Variants in RUBCN observed in about 807,000 individuals in gnomAD.
RUBCN encodes the protein rubicon autophagy regulator, also known as run domain Beclin-1-interacting and cysteine-rich domain-containing protein.
A neutral mutation model predicts 113.2 loss-of-function variants in RUBCN; 74 were observed. The ratio of observed to expected loss-of-function variants is 0.65; its 90% confidence interval spans 0.54 to 0.79. RUBCN has a LOEUF of 0.79. RUBCN is among the 30% of genes least tolerant of loss of function. RUBCN has a pLI of 0.00. For synonymous variants in RUBCN, 480 were observed against 490.0 expected (o/e 0.98, Z 0.27); for missense variants, 1,109 against 1,251.7 (o/e 0.89, Z 1.72).
chr3:197,675,659 G>A lies in RUBCN; in HGVS notation c.2647-144C>T. 3 of 702,398 alleles carry A rather than the reference G, an allele frequency of 4.3e-6. No individual in the cohort carries two copies. In the Admixed American group the frequency reaches 6.1e-5, roughly 14 times the overall value. 43.5% of individuals were successfully genotyped at this position (702,398 alleles called of 1,614,324 possible). On this transcript the variant is annotated intron_variant, in intron 18 of 19. Transcript: ENST00000296343. The surrounding 1 kb of genome is among the most constrained non-coding windows in gnomAD (Gnocchi z 4.4). ...CTGGGCTGGACTCAGAAGCATGAAA[G>A]CTAAACTAGGACCAGGGCCGGGCAG...
intron 7 of RUBCN, among the ~76,000 whole-genome samples, chr3:197,700,080 C>T (rs1297126890): frequency 5.9e-5 from 9 of 152,182 alleles, no homozygotes; most frequent in Non-Finnish European, 1.0e-4. Context: ...GCCAGGGCCT[C>T]CTTATCTGAC....
At chr3:197,722,854 G>A (rs1311841046) in intron 1 of RUBCN, among the ~76,000 whole-genome samples, 2 of 152,112 alleles carry the variant, frequency 1.3e-5, no homozygotes, top group Non-Finnish European at 2.9e-5. Flanking sequence ...CCTCACATGT[G>A]AAGTGAGATT....
rs147933522 is a variant in RUBCN at position 197,705,072 on chromosome 3, C to T, written c.303+20G>A. ...AGACCCACAGCTCTGCCAGCACAGC[C>T]GCTCTGCTCTCACTCTTACCTTCTC... is the stretch of plus-strand genomic sequence containing the variant. On this transcript the variant is annotated intron_variant, in intron 3 of 19. Transcript: ENST00000296343. 6.9e-6 allele frequency: 11 copies of T among 1,597,558 alleles called. No individual in the cohort carries two copies. The East Asian group carries it at 9.1e-5, about 13-fold the overall frequency.
chr3:197,669,501 CTGAA>C lies in RUBCN; in HGVS notation c.*5513_*5516del, dbSNP rs1719594490. Among the ~76,000 whole-genome samples the C allele has an allele frequency of 1.3e-5, 2 of 152,284 alleles. No individual in the cohort carries two copies. The highest frequency in any genetic ancestry group is 2.1e-4 in the South Asian group (1 of 4,824). Reference sequence around the variant, plus strand: ...ATGATTAGACTGAGGTTATGGGTTTCTGAATGAATGTCAGGGAAGATGTACCCCT... The same window carrying C: ...ATGATTAGACTGAGGTTATGGGTTTCTGAATGTCAGGGAAGATGTACCCCT... On this transcript the variant is annotated 3_prime_UTR_variant, in exon 20 of 20. Coordinates refer to ENST00000296343, the MANE Select transcript of RUBCN (RefSeq NM_014687.4).
At chr3:197,689,316 G>A (rs2108870887) in intron 11 of RUBCN, among the ~76,000 whole-genome samples, 1 of 152,246 alleles carries the variant, frequency 6.6e-6, no homozygotes, top group African/African-American at 2.4e-5. Context: ...GACATAAACA[G>A]TCAGTATGCC....
rs767553032 is a variant in RUBCN at position 197,684,123 on chromosome 3, T to C, written c.1847+34A>G. 24 of 1,529,968 alleles carry C rather than the reference T, an allele frequency of 1.6e-5. No homozygotes were observed. The East Asian group carries it at 4.0e-4, about 26-fold the overall frequency. 94.8% of individuals were successfully genotyped at this position (1,529,968 alleles called of 1,614,324 possible). On this transcript the variant is annotated intron_variant, in intron 12 of 19. Coordinates refer to ENST00000296343, the MANE Select transcript of RUBCN (RefSeq NM_014687.4). The stretch of plus-strand genomic sequence containing the variant: ...TGTTTCTCTACATATCCTAAGGTTT[T>C]CTTTTCTTTTTTTTGGTAAAAAAAA...
chr3:197,689,536 G>A (rs529859322), intron 11 of RUBCN, among the ~76,000 whole-genome samples: 7 of 152,248 alleles, frequency 4.6e-5, no homozygotes, highest in South Asian at 2.1e-4. Flanking sequence ...AGAGGACTGG[G>A]ACTAAACACA....
chr3:197,715,292 A>AG (rs1725397831), intron 2 of RUBCN, among the ~76,000 whole-genome samples: 1 of 148,574 alleles, frequency 6.7e-6, no homozygotes, highest in South Asian at 2.1e-4. Context: ...TCTATCTTGA[A>AG]AAAAAAAAAA....
intron 2 of RUBCN, among the ~76,000 whole-genome samples, chr3:197,708,993 T>C (rs1356295987): frequency 6.6e-6 from 1 of 152,100 alleles, no homozygotes; most frequent in Non-Finnish European, 1.5e-5. Flanking sequence ...ATAAAAGAAA[T>C]TGAAACTGGA....
chr3:197,679,544 G>T (rs1052020854), intron 16 of RUBCN, among the ~76,000 whole-genome samples: 1 of 138,624 alleles, frequency 7.2e-6, no homozygotes, highest in East Asian at 2.3e-4. Flanking sequence ...ACTGTCCTAC[G>T]CTCTGACAAC....
intron 1 of RUBCN, among the ~76,000 whole-genome samples, chr3:197,732,622 AGTT>A (rs1206388298): frequency 6.6e-6 from 1 of 152,238 alleles, no homozygotes; most frequent in East Asian, 1.9e-4. Context: ...GTAGTGTAGT[AGTT>A]TTACCAGGCA....
chr3:197,705,072 C>A lies in RUBCN; in HGVS notation c.303+20G>T. On this transcript the variant is annotated intron_variant, in intron 3 of 19. Transcript: ENST00000296343. ...AGACCCACAGCTCTGCCAGCACAGCCGCTCTGCTCTCACTCTTACCTTCTC... is the reference window on the plus strand; with the variant it reads ...AGACCCACAGCTCTGCCAGCACAGCAGCTCTGCTCTCACTCTTACCTTCTC... 6.3e-7 allele frequency: 1 copy of A among 1,597,558 alleles called. No individual in the cohort carries two copies.
chr3:197,676,495 T>C, intron 18 of RUBCN: 1 of 690,646 alleles, frequency 1.4e-6, no homozygotes, highest in Non-Finnish European at 1.9e-6. Context: ...TGTATTTTAG[T>C]AGAGATGGGG....
chr3:197,717,245 C>T (rs1008490915), intron 2 of RUBCN, among the ~76,000 whole-genome samples: 2 of 151,852 alleles, frequency 1.3e-5, no homozygotes, highest in African/African-American at 2.4e-5. Flanking sequence ...CCACTGAGAC[C>T]ATCCTGGCTA....
chr3:197,707,087 T>C (rs1472642167), intron 2 of RUBCN, among the ~76,000 whole-genome samples: 1 of 144,358 alleles, frequency 6.9e-6, no homozygotes, highest in African/African-American at 2.9e-5. Context: ...CTCACGCCTG[T>C]AATCCCAGCA....
intron 17 of RUBCN, 81 bp downstream of exon 17, chr3:197,677,399 A>G (rs928269819): frequency 6.6e-6 from 8 of 1,212,890 alleles, no homozygotes; most frequent in Middle Eastern, 1.9e-4. Context: ...CCTTCGTTAC[A>G]TAACAAGAGC....
At chr3:197,691,930 C>T (rs116478979) in intron 11 of RUBCN, among the ~76,000 whole-genome samples, 4,840 of 151,994 alleles carry the variant, frequency 0.032, 117 homozygotes, top group Middle Eastern at 0.048. Context: ...TCCTAAAATT[C>T]TTGGAATTTC....
At chr3:197,697,460 C>T (rs1469794301) in intron 7 of RUBCN, among the ~76,000 whole-genome samples, 1 of 152,152 alleles carries the variant, frequency 6.6e-6, no homozygotes, top group East Asian at 1.9e-4. Flanking sequence ...GACATCTTGA[C>T]ATTAGGTTTT....
chr3:197,678,287 T>C (rs1235265944), intron 16 of RUBCN, among the ~76,000 whole-genome samples: 33 of 139,938 alleles, frequency 2.4e-4, no homozygotes, highest in African/African-American at 3.5e-4. Flanking sequence ...GACTGTCCTA[T>C]GCTCTGACAA....
Sources: gnomAD v4.1 joint callset for allele counts (sites outside exome capture counted in the v4.1 genomes callset) on GRCh38, gnomAD v4.1.1 for gene constraint, Gnocchi (gnomAD v3.1) non-coding constraint, MANE v1.5 for transcripts, NCBI Gene and HGNC (gene_info 2026-07-23, HGNC 2026-07-21) for gene names.